The following TBC1D30 variants were observed in gnomAD, a reference collection of about 807,000 sequenced individuals.
TBC1D30 encodes the protein TBC1 domain family, member 30.
A neutral mutation model predicts 63.2 loss-of-function variants in TBC1D30; 31 were observed. That is an observed-to-expected ratio of 0.49 (90% CI 0.37 to 0.66). TBC1D30 has a LOEUF of 0.66. Ranked by LOEUF, TBC1D30 falls within the 30% of genes least tolerant of loss-of-function variation. TBC1D30 has a pLI of 0.00. For synonymous variants in TBC1D30, 307 were observed against 361.5 expected (o/e 0.85, Z 1.71); for missense variants, 810 against 953.6 (o/e 0.85, Z 1.98).
intron 8 of TBC1D30, among the ~76,000 whole-genome samples, chr12:64,855,983 A>G (rs987817627): frequency 6.6e-6 from 1 of 152,198 alleles, no homozygotes; most frequent in Non-Finnish European, 1.5e-5. Flanking sequence ...CTACAAAGAA[A>G]TACTTGAGAC....
intron 2 of TBC1D30, among the ~76,000 whole-genome samples, chr12:64,799,579 G>A (rs926626911): frequency 1.3e-5 from 2 of 152,272 alleles, no homozygotes; most frequent in Admixed American, 6.5e-5. Flanking sequence ...CACTGTTAGG[G>A]ATAATATAAT....
intron 8 of TBC1D30, among the ~76,000 whole-genome samples, chr12:64,856,781 C>T (rs1256386304): frequency 2.6e-5 from 4 of 152,166 alleles, no homozygotes; most frequent in African/African-American, 9.7e-5. Context: ...TATTCTACTG[C>T]AGCTAAGCTG....
chr12:64,803,015 A>G (rs1258209558), intron 2 of TBC1D30, among the ~76,000 whole-genome samples: 2 of 152,230 alleles, frequency 1.3e-5, no homozygotes, highest in Non-Finnish European at 2.9e-5. Context: ...TATACCCAGT[A>G]ATGGGATGGC....
intron 8 of TBC1D30, among the ~76,000 whole-genome samples, chr12:64,858,096 G>T (rs1010518366): frequency 1.3e-5 from 2 of 152,070 alleles, no homozygotes; most frequent in Non-Finnish European, 2.9e-5. Flanking sequence ...TCTTGTTATC[G>T]TGCTTCTCTG....
At chr12:64,822,016 C>T (rs1438134360), upstream of TBC1D30, among the ~76,000 whole-genome samples, 3 of 152,196 alleles carry the variant, frequency 2.0e-5, no homozygotes, top group Non-Finnish European at 4.4e-5. Context: ...GATGGCTCAT[C>T]TCATTTTTAA....
At chr12:64,842,172 A>G (rs1312015614) in intron 7 of TBC1D30, among the ~76,000 whole-genome samples, 1 of 152,174 alleles carries the variant, frequency 6.6e-6, no homozygotes, top group Non-Finnish European at 1.5e-5. Context: ...AGCCTGGCCA[A>G]CATGGTGAAG....
At chr12:64,854,557 T>G (rs997589442) in intron 8 of TBC1D30, among the ~76,000 whole-genome samples, 10 of 151,070 alleles carry the variant, frequency 6.6e-5, no homozygotes, top group African/African-American at 2.5e-4. Flanking sequence ...TGCAGTGGCA[T>G]GATCTCAGCT....
intron 2 of TBC1D30, among the ~76,000 whole-genome samples, 193 bp downstream of exon 2, chr12:64,828,089 T>C (rs1874522307): frequency 6.6e-6 from 1 of 152,246 alleles, no homozygotes. Flanking sequence ...TTTTGCACTT[T>C]CTATTAATGG....
chr12:64,787,312 C>T lies in TBC1D30; in HGVS notation c.643+1267C>T, dbSNP rs147160638. ...CCATGCAATAGCCTTATGTTTTATT[C>T]TGCTAACATTTAACTATTTTTGTTT... On this transcript the variant is annotated intron_variant, in intron 2 of 12. Coordinates refer to the TBC1D30 transcript ENST00000542120. 1.9e-4 allele frequency: 176 copies of T among 942,814 alleles called. 3 individuals are homozygous for T. In the East Asian group the frequency reaches 0.016, roughly 88 times the overall value. 58.4% of individuals were successfully genotyped at this position (942,814 alleles called of 1,614,324 possible).
At chr12:64,835,403 T>C (rs772586773) in intron 5 of TBC1D30, among the ~76,000 whole-genome samples, 2 of 151,362 alleles carry the variant, frequency 1.3e-5, no homozygotes, top group Non-Finnish European at 2.9e-5. Context: ...GGTTAGGGGG[T>C]GGAAATAGAG....
chr12:64,838,631 A>G, intron 6 of TBC1D30, 52 bp from the exon 7 acceptor site: 2 of 1,519,750 alleles, frequency 1.3e-6, no homozygotes, highest in Non-Finnish European at 8.8e-7. Context: ...GTATCTGCAT[A>G]TGCTGCCAAT....
At chr12:64,871,628 A>G (rs1878664743) in intron 11 of TBC1D30, among the ~76,000 whole-genome samples, 1 of 152,256 alleles carries the variant, frequency 6.6e-6, no homozygotes, top group South Asian at 2.1e-4. Flanking sequence ...TGAGTCATTA[A>G]GAAACCAGTC....
intron 1 of TBC1D30, among the ~76,000 whole-genome samples, chr12:64,763,384 A>G (rs773378360): frequency 5.9e-5 from 9 of 152,154 alleles, no homozygotes; most frequent in Non-Finnish European, 1.0e-4. Flanking sequence ...TCCTCTTTCC[A>G]GCTTTATTGA....
In TBC1D30 at chr12:64,875,034, A is replaced by C; in HGVS notation, c.1532A>C (p.Gln511Pro). The change falls in exon 12 of 12, where the codon CAG becomes CCG. Residue 511 changes from glutamine to proline, a missense_variant. This residue lies in a region of TBC1D30 where 450 missense variants were observed against 473.0 expected (regional missense o/e 0.95). Transcript: ENST00000539867. ...CCAGTGACCAGCATTCTCCCGTCTCAGGTAAACAGTTCTCCAGTTATAAAC... is the reference window on the plus strand; with the variant it reads ...CCAGTGACCAGCATTCTCCCGTCTCCGGTAAACAGTTCTCCAGTTATAAAC... Reference protein sequence around the residue: ...KGPVTSILPSQVNSSPVINHL... With the variant: ...KGPVTSILPSPVNSSPVINHL... 1 of 1,536,790 alleles carries C rather than the reference A, an allele frequency of 6.5e-7. No homozygotes were observed. The highest frequency in any genetic ancestry group is 8.7e-7 in the Non-Finnish European group (1 of 1,147,032).
intron 8 of TBC1D30, 75 bp from the exon 9 acceptor site, chr12:64,864,593 T>C: frequency 9.7e-7 from 1 of 1,035,580 alleles, no homozygotes; most frequent in Admixed American, 2.0e-5. Context: ...CATAAAACTT[T>C]AATGTCTTTC....
At chr12:64,781,151 C>T (rs537840264) in exon 1 of TBC1D30, 2 of 1,018,168 alleles carry the variant, frequency 2.0e-6, no homozygotes, top group East Asian at 1.1e-4. Flanking sequence ...CCGCGACAGC[C>T]TCGACAGCTC....
rs183536753 is a variant in TBC1D30, at chr12:64,857,569, C to T, written c.1039-7099C>T. On this transcript the variant is annotated intron_variant, in intron 8 of 11. Transcript: ENST00000539867. ...CTGCCTGGGGTTGGGGGAGGGATGG[C>T]GCAAGCCCTCCCATAGCCAAACCAG... Among the ~76,000 whole-genome samples the T allele has an allele frequency of 3.7e-3, 568 of 152,286 alleles. 2 individuals are homozygous for T. Among genetic ancestry groups the T allele is most frequent in the Admixed American group, 5.6e-3 (85 of 15,300 alleles).
At position 64,832,209 on chromosome 12, in the gene TBC1D30, C is replaced by T. The variant is rs1037884295; in HGVS notation, c.499C>T (p.Arg167Ter). The T allele has an allele frequency of 6.5e-6, 10 of 1,536,112 alleles. No individual in the cohort carries two copies. The highest frequency in any genetic ancestry group is 4.9e-5 in the East Asian group (2 of 40,918). Residue 167 changes from arginine to a stop codon, truncating the protein, a stop_gained, in exon 5 of 12, where the codon CGA (arginine) becomes TGA (stop). Transcript: ENST00000539867. LOFTEE classifies it high-confidence loss of function. ...GAAGCGGGTGCTGCTGGCCTATGCC[C>T]GATGGAACAAAACTGTTGGGTACTG... ...VLKRVLLAYA[R>*]WNKTVGYCQG...
exon 1 of TBC1D30, chr12:64,780,744 C>T: frequency 1.0e-6 from 1 of 986,584 alleles, no homozygotes; most frequent in African/African-American, 1.7e-5. Flanking sequence ...CGCCTCCTCC[C>T]GGAACTGGCC....
Sources: gnomAD v4.1 joint callset for allele counts (sites outside exome capture counted in the v4.1 genomes callset) on GRCh38, gnomAD v4.1.1 for gene constraint, gnomAD v4.1.1 regional missense constraint, MANE v1.5 for transcripts, NCBI Gene and HGNC (gene_info 2026-07-23, HGNC 2026-07-21) for gene names.